DNAH14: variants seen among roughly 807,000 people sequenced by gnomAD.
The protein encoded by DNAH14 is dynein axonemal heavy chain 14, also known as axonemal beta dynein heavy chain 14.
Under a neutral mutation model 520.9 loss-of-function variants are expected in DNAH14, and 478 were observed. The ratio of observed to expected loss-of-function variants is 0.92; its 90% CI spans 0.85 to 0.99. DNAH14 has a LOEUF of 0.99. Ranked by LOEUF, DNAH14 falls within the 50% of genes least tolerant of loss-of-function variation. The pLI, the probability that DNAH14 is intolerant of heterozygous loss-of-function variation, is 0.00. For missense variants in DNAH14, 4,831 were observed against 5,234.5 expected (o/e 0.92, Z 2.38); for synonymous variants, 1,581 against 1,757.2 (o/e 0.90, Z 2.51).
intron 23 of DNAH14, among the ~76,000 whole-genome samples, chr1:225,112,702 T>C (rs1355137938): frequency 1.3e-5 from 2 of 152,040 alleles, no homozygotes; most frequent in African/African-American, 4.8e-5. Flanking sequence ...CATCTGTATT[T>C]TCAAATAGCC....
intron 37 of DNAH14, among the ~76,000 whole-genome samples, chr1:225,188,865 T>G (rs1203479473): frequency 6.6e-6 from 1 of 151,904 alleles, no homozygotes; most frequent in Non-Finnish European, 1.5e-5. Flanking sequence ...CTGCCAAGTT[T>G]TCTAGTTTTC....
At position 225,180,881 on chromosome 1, in the gene DNAH14, T is replaced by C. The variant is rs572952093; in HGVS notation, c.5536-4410T>C. ...CATGTACAGGTTTGTGACATGGTTA[T>C]ATTGTGTGATGCTGAGGTTTGGGCT... On this transcript the variant is annotated intron_variant, in intron 36 of 85. Transcript: ENST00000682510. Among the ~76,000 whole-genome samples, 12 of 152,328 alleles carry C rather than the reference T, an allele frequency of 7.9e-5. No individual in the cohort carries two copies. The South Asian group carries it at 2.5e-3, about 32-fold the overall frequency.
intron 38 of DNAH14, among the ~76,000 whole-genome samples, chr1:225,194,918 A>G (rs2085937664): frequency 6.6e-6 from 1 of 152,194 alleles, no homozygotes. Flanking sequence ...AAAAATACTC[A>G]TCATCACTAA....
chr1:225,066,732 A>G (rs1445889169), intron 17 of DNAH14, among the ~76,000 whole-genome samples: 1 of 152,048 alleles, frequency 6.6e-6, no homozygotes, highest in African/African-American at 2.4e-5. Context: ...CCCACTTATA[A>G]GTGAGAACAT....
At chr1:225,389,996 T>C in intron 83 of DNAH14, 123 bp downstream of exon 83, 2 of 855,334 alleles carry the variant, frequency 2.3e-6, no homozygotes, top group Non-Finnish European at 3.6e-6. Context: ...CACAGGTGCC[T>C]GGGTCTCTAG....
intron 6 of DNAH14, chr1:224,967,859 C>A: frequency 2.3e-6 from 3 of 1,290,886 alleles, no homozygotes; most frequent in South Asian, 5.4e-5. Flanking sequence ...GGAAGAACTA[C>A]AAAACAAGCA....
Position 225,307,006 on chromosome 1 carries a change from C to CA in DNAH14, c.9006-455_9006-454insA, listed in dbSNP as rs1408574108. On this transcript the variant is annotated intron_variant, in intron 58 of 85. Transcript: ENST00000682510. ...GCCTATCTGGTTCTCTTTCCCACCCCGAAACTTATAATTAAATATTCTGTT... is the reference window on the plus strand; with the variant it reads ...GCCTATCTGGTTCTCTTTCCCACCCCAGAAACTTATAATTAAATATTCTGTT... Among the ~76,000 whole-genome samples the CA allele has an allele frequency of 4.6e-5, 7 of 151,862 alleles. No individual in the cohort carries two copies. In the South Asian group the frequency reaches 1.5e-3, roughly 32 times the overall value.
Position 225,144,441 on chromosome 1 carries a change from T to C in DNAH14, c.4553T>C (p.Val1518Ala). The change falls in exon 29 of 86, where the codon GTG becomes GCG. Residue 1518 changes from valine to alanine, a missense_variant. Coordinates refer to ENST00000682510, the MANE Select transcript of DNAH14 (RefSeq NM_001367479.1). ...KWNEKQKLCYVSQGNASFTYG... is the reference protein window; with the variant it reads ...KWNEKQKLCYASQGNASFTYG... ...AATGAAAAACAAAAGTTGTGCTATG[T>C]GTCTCAAGGAAATGCCAGCTTTACT... is the stretch of plus-strand genomic sequence containing the variant. 6.4e-7 allele frequency: 1 copy of C among 1,551,668 alleles called. No homozygotes were observed. The highest frequency in any genetic ancestry group is 2.4e-5 in the East Asian group (1 of 40,914).
chr1:224,959,094 A>G (rs1234661741), intron 3 of DNAH14, among the ~76,000 whole-genome samples: 4 of 152,112 alleles, frequency 2.6e-5, no homozygotes, highest in Non-Finnish European at 5.9e-5. Flanking sequence ...GTAGTGCCAT[A>G]GGGAATAACT....
At chr1:225,392,520 T>C (rs2095932021) in intron 84 of DNAH14, 69 bp downstream of exon 84, 2 of 1,524,992 alleles carry the variant, frequency 1.3e-6, no homozygotes, top group South Asian at 2.5e-5. Flanking sequence ...CAATCAATTG[T>C]GCCCTTTACA....
rs749317368 is a variant in DNAH14 at position 224,967,412 on chromosome 1, A to AT, written c.499-9dup. On this transcript the variant is annotated intron_variant, in intron 5 of 85. Transcript: ENST00000682510. Reference sequence around the variant, plus strand: ...GTCAAATTAATTAAATTTGTTTATTATTTTTTTTTTAATCTCAGAAACCTT... The same window carrying AT: ...GTCAAATTAATTAAATTTGTTTATTATTTTTTTTTTTAATCTCAGAAACCTT... The AT allele has an allele frequency of 9.9e-4, 1,325 of 1,336,122 alleles. No homozygotes were observed. The highest frequency in any genetic ancestry group is 1.8e-3 in the East Asian group (67 of 36,648). The allele number at this position is 1,336,122 out of a possible 1,614,324, so 82.8% of individuals were successfully genotyped here.
intron 53 of DNAH14, among the ~76,000 whole-genome samples, chr1:225,277,083 A>G (rs1234423473): frequency 8.0e-5 from 5 of 62,870 alleles, no homozygotes; most frequent in African/African-American, 3.4e-4. Context: ...GAAGGGGGAA[A>G]TGGCAAGGGG....
intron 60 of DNAH14, among the ~76,000 whole-genome samples, chr1:225,314,839 A>G (rs1347910493): frequency 6.6e-6 from 1 of 152,154 alleles, no homozygotes; most frequent in Non-Finnish European, 1.5e-5. Context: ...TCTGTGGGTA[A>G]CCCGACCTTT....
intron 19 of DNAH14, among the ~76,000 whole-genome samples, chr1:225,081,508 A>C (rs562135307): frequency 1.6e-4 from 24 of 152,336 alleles, no homozygotes; most frequent in African/African-American, 5.5e-4. Flanking sequence ...AGAACAGTAA[A>C]GTAACAACTA....
chr1:225,217,329 A>G (rs2089497679), intron 41 of DNAH14, among the ~76,000 whole-genome samples: 1 of 152,188 alleles, frequency 6.6e-6, no homozygotes, highest in Non-Finnish European at 1.5e-5. Context: ...GGTGTCTCCC[A>G]GTTAGGCTCC....
intron 43 of DNAH14, among the ~76,000 whole-genome samples, chr1:225,241,127 T>C (rs2091937734): frequency 6.6e-6 from 1 of 152,188 alleles, no homozygotes; most frequent in Non-Finnish European, 1.5e-5. Flanking sequence ...CATATCGCCA[T>C]GTAGCAAGAA....
At chr1:225,177,185 C>T (rs1230416533) in intron 36 of DNAH14, among the ~76,000 whole-genome samples, 1 of 152,172 alleles carries the variant, frequency 6.6e-6, no homozygotes, top group Non-Finnish European at 1.5e-5. Context: ...AACAAAGAGA[C>T]TGGTGGCATT....
intron 43 of DNAH14, chr1:225,250,764 G>T (rs1255474928): frequency 2.1e-6 from 1 of 476,478 alleles, no homozygotes; most frequent in Non-Finnish European, 3.9e-6. Flanking sequence ...GTGTAAATGG[G>T]CTTGGGATTG....
chr1:225,161,645 CT>C (rs2081531361), intron 35 of DNAH14, among the ~76,000 whole-genome samples: 1 of 152,146 alleles, frequency 6.6e-6, no homozygotes, highest in Non-Finnish European at 1.5e-5. Flanking sequence ...TGAGTGTTCC[CT>C]TTTCTCCACA....
Sources: gnomAD v4.1 joint callset for allele counts (sites outside exome capture counted in the v4.1 genomes callset) on GRCh38, gnomAD v4.1.1 for gene constraint, MANE v1.5 for transcripts, NCBI Gene and HGNC (gene_info 2026-07-23, HGNC 2026-07-21) for gene names.